The following ADCY2 variants were observed in gnomAD, a reference collection of about 807,000 sequenced individuals.
ADCY2 encodes adenylate cyclase type 2.
In ADCY2, 31 loss-of-function variants were observed where a neutral mutation model predicts 125.2. The observed-to-expected ratio is 0.25, with a 90% CI of 0.19 to 0.33. The LOEUF (loss-of-function observed/expected upper bound fraction) is 0.33, where lower values mean the gene tolerates loss of function less well. ADCY2 is among the 10% of genes least tolerant of loss of function. The pLI is 1.00. For synonymous variants in ADCY2, 512 were observed against 548.4 expected (o/e 0.93, Z 0.93); for missense variants, 904 against 1,418.2 (o/e 0.64, Z 5.82).
intron 7 of ADCY2, among the ~76,000 whole-genome samples, chr5:7,702,873 G>A (rs1175096970): frequency 2.6e-5 from 4 of 152,012 alleles, no homozygotes; most frequent in East Asian, 1.9e-4. Context: ...ATTTCTCCAC[G>A]TCCTCTCCAG....
chr5:7,430,589 A>G (rs1318555600), intron 2 of ADCY2, among the ~76,000 whole-genome samples: 1 of 149,422 alleles, frequency 6.7e-6, no homozygotes, highest in Non-Finnish European at 1.5e-5. Context: ...TATATAAAGG[A>G]TAACATGAAC....
intron 3 of ADCY2, among the ~76,000 whole-genome samples, chr5:7,604,290 T>C (rs1737340202): frequency 1.3e-4 from 2 of 15,326 alleles, no homozygotes; most frequent in East Asian, 1.6e-3. Flanking sequence ...TGTGCATGTG[T>C]CTTTATAGCA....
chr5:7,436,674 C>T (rs1740815704), intron 2 of ADCY2, among the ~76,000 whole-genome samples: 1 of 152,204 alleles, frequency 6.6e-6, no homozygotes. Context: ...CCACCAGTGC[C>T]TTTGGCAAGG....
intron 14 of ADCY2, among the ~76,000 whole-genome samples, chr5:7,730,338 C>T (rs1407514575): frequency 6.6e-6 from 1 of 152,090 alleles, no homozygotes; most frequent in East Asian, 1.9e-4. Context: ...TGAATTTTAA[C>T]ATTTATGCTT....
intron 21 of ADCY2, among the ~76,000 whole-genome samples, chr5:7,804,239 C>T (rs181597593): frequency 1.3e-5 from 2 of 152,276 alleles, no homozygotes; most frequent in Admixed American, 1.3e-4. Context: ...CTCATTGAAT[C>T]ATAATTTTAT....
chr5:7,519,391 C>T (rs1744364471), intron 2 of ADCY2, among the ~76,000 whole-genome samples: 1 of 152,192 alleles, frequency 6.6e-6, no homozygotes, highest in South Asian at 2.1e-4. Flanking sequence ...GCGTCCCCTT[C>T]AGGTGACACA....
intron 3 of ADCY2, among the ~76,000 whole-genome samples, chr5:7,576,500 A>T (rs1023762893): frequency 1.3e-5 from 2 of 152,234 alleles, no homozygotes; most frequent in African/African-American, 2.4e-5. Flanking sequence ...GCAACTTTTC[A>T]TGATACCTTA....
intron 3 of ADCY2, among the ~76,000 whole-genome samples, chr5:7,616,012 G>A (rs917861802): frequency 2.6e-5 from 4 of 152,070 alleles, no homozygotes; most frequent in Non-Finnish European, 5.9e-5. Flanking sequence ...GGTGCTAGTG[G>A]TTTTTGCATC....
rs1352006868 is a variant in ADCY2, at chr5:7,414,763, G to C, written c.401G>C (p.Trp134Ser). The C allele has an allele frequency of 1.9e-6, 3 of 1,608,788 alleles. No individual in the cohort carries two copies. Among genetic ancestry groups the C allele is most frequent in the Non-Finnish European group, 2.5e-6 (3 of 1,178,308 alleles). ...TGTTTTGGAGGCACCGTCTCTCCCTGGGACCAGGTAAGGTGTGAAAATATT... is the reference window on the plus strand; with the variant it reads ...TGTTTTGGAGGCACCGTCTCTCCCTCGGACCAGGTAAGGTGTGAAAATATT... ...FMCFGGTVSP[W>S]DQVSFFLFII... The change falls in exon 2 of 25, where the codon TGG (tryptophan) becomes TCG (serine). Residue 134 changes from tryptophan to serine, a missense_variant. By Grantham distance (177) the Trp-to-Ser change is radical. Coordinates refer to ENST00000338316, the MANE Select transcript of ADCY2 (RefSeq NM_020546.3).
chr5:7,576,123 T>TCCTC (rs1736239481), intron 3 of ADCY2, among the ~76,000 whole-genome samples: 1 of 152,204 alleles, frequency 6.6e-6, no homozygotes, highest in Non-Finnish European at 1.5e-5. Context: ...CTGCCTTCCC[T>TCCTC]CCTCCCAGCC....
At chr5:7,518,188 A>G (rs2126529004) in intron 2 of ADCY2, among the ~76,000 whole-genome samples, 1 of 152,288 alleles carries the variant, frequency 6.6e-6, no homozygotes, top group Middle Eastern at 3.4e-3. Context: ...GACCTGGGAA[A>G]GGATCTGCAC....
At chr5:7,526,456 AG>A (rs200355404) in intron 3 of ADCY2, among the ~76,000 whole-genome samples, 1 of 126,664 alleles carries the variant, frequency 7.9e-6, no homozygotes, top group Admixed American at 7.5e-5. Flanking sequence ...CAAAATAGTT[AG>A]TAGAGAAGAA....
rs554698346 is a variant in ADCY2, at chr5:7,524,091, T to C, written c.570+3192T>C. On this transcript the variant is annotated intron_variant, in intron 3 of 24. Transcript: ENST00000338316. The stretch of plus-strand genomic sequence containing the variant: ...TCGGGAAATTCATTTTACCAGCATT[T>C]GCCTTGAAGTAGAAGGCATTCTCAG... 1.4e-4 allele frequency among the ~76,000 whole-genome samples: 21 copies of C among 152,342 alleles called. No individual in the cohort carries two copies. In the South Asian group the frequency reaches 3.9e-3, roughly 29 times the overall value.
At chr5:7,817,463 C>T (rs531255932) in intron 23 of ADCY2, among the ~76,000 whole-genome samples, 5 of 152,132 alleles carry the variant, frequency 3.3e-5, no homozygotes, top group East Asian at 3.9e-4. Flanking sequence ...TCTGAAACAG[C>T]GACAGCTTTT....
intron 3 of ADCY2, among the ~76,000 whole-genome samples, chr5:7,565,039 G>T (rs4530734): frequency 0.15 from 22,203 of 152,170 alleles, 2,146 homozygotes; most frequent in Non-Finnish European, 0.21. Flanking sequence ...TTAACAAATA[G>T]AAATGCTGAA....
chr5:7,683,267 CCACGTGAG>C (rs1418089038), intron 4 of ADCY2, among the ~76,000 whole-genome samples: 3 of 152,206 alleles, frequency 2.0e-5, no homozygotes, highest in Non-Finnish European at 2.9e-5. Context: ...TGTGGGCACA[CCACGTGAG>C]TGAATGAGTG....
rs1745362010 is a variant in ADCY2 at position 7,823,333 on chromosome 5, C to T, written c.3123+2644C>T. On this transcript the variant is annotated intron_variant, in intron 24 of 24. Coordinates refer to ENST00000338316, the MANE Select transcript of ADCY2 (RefSeq NM_020546.3). ...CGAGATCAGACTTGGAGTGAGTTTC[C>T]AACACTGGCTCCAGCTGCCTCCCCT... is the stretch of plus-strand genomic sequence containing the variant. 2.0e-5 allele frequency among the ~76,000 whole-genome samples: 3 copies of T among 152,272 alleles called. No homozygotes were observed. The South Asian group carries it at 6.2e-4, about 32-fold the overall frequency.
intron 2 of ADCY2, among the ~76,000 whole-genome samples, chr5:7,479,963 G>C (rs1464228756): frequency 6.6e-6 from 1 of 152,112 alleles, no homozygotes; most frequent in Admixed American, 6.5e-5. Flanking sequence ...GACATGAACA[G>C]ATACTTTTCA....
chr5:7,430,846 A>G (rs1486669259), intron 2 of ADCY2, among the ~76,000 whole-genome samples: 3 of 152,176 alleles, frequency 2.0e-5, no homozygotes, highest in Non-Finnish European at 4.4e-5. Context: ...ATTTCACTAC[A>G]CAGAAAACTG....
Sources: allele counts gnomAD v4.1 joint callset (sites outside exome capture counted in the v4.1 genomes callset), GRCh38; gene constraint gnomAD v4.1.1; transcripts MANE v1.5; gene names NCBI Gene and HGNC (gene_info 2026-07-23, HGNC 2026-07-21).